FYB2: variants seen among roughly 807,000 people sequenced by gnomAD.
FYB2 encodes the protein FYN binding protein 2.
Under a neutral mutation model 94.1 loss-of-function variants are expected in FYB2, and 103 were observed. The observed-to-expected ratio is 1.09, with a 90% CI of 0.93 to 1.29. FYB2 has a LOEUF of 1.29. FYB2 is among the 50% of genes most tolerant of loss of function. The pLI, the probability that FYB2 is intolerant of heterozygous loss-of-function variation, is 0.00. For synonymous variants in FYB2, 293 were observed against 287.9 expected, an observed-to-expected ratio of 1.02 and a Z score of -0.18; for missense variants, 896 against 841.5, an observed-to-expected ratio of 1.06 and a Z score of -0.80.
intron 9 of FYB2, among the ~76,000 whole-genome samples, chr1:56,747,221 C>T (rs1393830415): frequency 3.3e-5 from 5 of 151,466 alleles, no homozygotes; most frequent in African/African-American, 4.8e-5. Context: ...ATATCTTCTC[C>T]GACCCAGTGA....
upstream of FYB2, among the ~76,000 whole-genome samples, chr1:56,821,250 A>T (rs72911331): frequency 0.3 from 45,790 of 152,140 alleles, 7,406 homozygotes; most frequent in African/African-American, 0.41. Flanking sequence ...CTACACTGGC[A>T]GAGTGGGTGG....
Position 56,756,035 on chromosome 1 carries a change from C to A in FYB2, c.1099-108G>T, listed in dbSNP as rs184348530. On this transcript the variant is annotated intron_variant, in intron 6 of 19. Transcript: ENST00000343433. ...ACACCAAAAGGTGAGGGGGATGAAG[C>A]CTCAGTAGAGAGCAAAGGCAGACAC... 1.6e-4 allele frequency: 171 copies of A among 1,065,282 alleles called. No individual in the cohort carries two copies. The African/African-American group carries it at 2.4e-3, about 15-fold the overall frequency. The allele number at this position is 1,065,282 out of a possible 1,614,324, so 66.0% of individuals were successfully genotyped here.
rs1345201124 is a variant in FYB2 at position 56,757,778 on chromosome 1, T to C, written c.1098+938A>G. Among the ~76,000 whole-genome samples the C allele has an allele frequency of 1.3e-3, 198 of 146,724 alleles. 1 individual carries two copies. The highest frequency in any genetic ancestry group is 4.9e-3 in the African/African-American group (191 of 39,372). On this transcript the variant is annotated intron_variant, in intron 6 of 19. Transcript: ENST00000343433. ...TCTTTTCATTCTTTCTTTTTCTTTT[T>C]TTTTTGATACAGGGTCTCAGTCTGT...
intron 7 of FYB2, 24 bp downstream of exon 7, chr1:56,755,872 T>C: frequency 6.3e-7 from 1 of 1,590,534 alleles, no homozygotes; most frequent in Non-Finnish European, 8.6e-7. Flanking sequence ...GACAGGTGCT[T>C]TTCTTTTGAA....
intron 6 of FYB2, 23 bp downstream of exon 6, chr1:56,758,693 A>T: frequency 6.4e-7 from 1 of 1,564,512 alleles, no homozygotes. Flanking sequence ...TTTAGTTACA[A>T]TGTTGGTAAG....
chr1:56,770,317 C>G (rs1645724762), intron 4 of FYB2, among the ~76,000 whole-genome samples: 1 of 152,104 alleles, frequency 6.6e-6, no homozygotes, highest in Non-Finnish European at 1.5e-5. Context: ...CTACCTCCAC[C>G]CTAACTCGCC....
rs530555985 is a variant in FYB2 at position 56,788,749 on chromosome 1, T to C, written c.919+224A>G. 54 of 573,418 alleles carry C rather than the reference T, an allele frequency of 9.4e-5. No homozygotes were observed. In the Admixed American group the frequency reaches 1.6e-3, roughly 17 times the overall value. 35.5% of individuals were successfully genotyped at this position (573,418 alleles called of 1,614,324 possible). A position where few individuals can be genotyped will look rare whatever the true frequency, so the allele number is the denominator to read the frequency against. ...CTTGGACAGATTCCCAGTGATCAAATGCAGTGCTCTCAGGGGAAGTGGGCT... is the reference window on the plus strand; with the variant it reads ...CTTGGACAGATTCCCAGTGATCAAACGCAGTGCTCTCAGGGGAAGTGGGCT... On this transcript the variant is annotated intron_variant, in intron 3 of 19. Coordinates refer to ENST00000343433, the MANE Select transcript of FYB2 (RefSeq NM_001004303.5).
chr1:56,818,047 G>A (rs910700107), intron 1 of FYB2, among the ~76,000 whole-genome samples: 21 of 152,312 alleles, frequency 1.4e-4, no homozygotes, highest in Admixed American at 8.5e-4. Context: ...GGATGCCAGT[G>A]CGGATCCTGG....
At chr1:56,816,905 C>G (rs1388812562) in intron 1 of FYB2, among the ~76,000 whole-genome samples, 1 of 149,902 alleles carries the variant, frequency 6.7e-6, no homozygotes, top group African/African-American at 2.5e-5. Flanking sequence ...ATCCTGCTGA[C>G]CCTACCTTTA....
intron 5 of FYB2, among the ~76,000 whole-genome samples, chr1:56,766,138 G>A (rs1645617160): frequency 6.6e-6 from 1 of 152,148 alleles, no homozygotes; most frequent in African/African-American, 2.4e-5. Flanking sequence ...ATATCACCAA[G>A]GAACTTGTTA....
At chr1:56,756,327 G>A (rs903795154) in intron 6 of FYB2, among the ~76,000 whole-genome samples, 2 of 152,034 alleles carry the variant, frequency 1.3e-5, no homozygotes, top group Admixed American at 6.6e-5. Flanking sequence ...GAATTTCTCC[G>A]TTACTCGCTG....
chr1:56,777,622 T>G (rs1442930300), intron 4 of FYB2, among the ~76,000 whole-genome samples: 1 of 152,130 alleles, frequency 6.6e-6, no homozygotes, highest in Non-Finnish European at 1.5e-5. Flanking sequence ...TCAGCCAACA[T>G]TTATTGAACA....
chr1:56,732,170 G>A (rs181450880), intron 15 of FYB2, among the ~76,000 whole-genome samples: 29 of 152,146 alleles, frequency 1.9e-4, no homozygotes, highest in Non-Finnish European at 2.8e-4. Flanking sequence ...AATTAGTAGC[G>A]TTTCTATACA....
Position 56,792,673 on chromosome 1 carries a change from T to C in FYB2, c.140A>G (p.Gln47Arg), listed in dbSNP as rs1410407653. The change falls in exon 2 of 20, where the codon CAA becomes CGA. Residue 47 changes from glutamine to arginine, a missense_variant. By Grantham distance (43) the Gln-to-Arg change is conservative (BLOSUM62 1). Transcript: ENST00000343433. Reference protein sequence around the residue: ...KGDIGGTQSTQILANGKPLSS... With the variant: ...KGDIGGTQSTRILANGKPLSS... Reference sequence around the variant, plus strand: ...GAGGGGTTTCCCATTGGCCAAAATTTGAGTTGACTGTGTGCCTCCAATGTC... The same window carrying C: ...GAGGGGTTTCCCATTGGCCAAAATTCGAGTTGACTGTGTGCCTCCAATGTC... 1 of 1,613,994 alleles carries C rather than the reference T, an allele frequency of 6.2e-7. No homozygotes were observed. The highest frequency in any genetic ancestry group is 2.2e-5 in the East Asian group (1 of 44,880).
At chr1:56,803,833 C>T (rs938015912) in intron 1 of FYB2, among the ~76,000 whole-genome samples, 15 of 152,154 alleles carry the variant, frequency 9.9e-5, no homozygotes, top group African/African-American at 3.4e-4. Context: ...TGTCATAGCA[C>T]GAAATCTACT....
intron 1 of FYB2, among the ~76,000 whole-genome samples, chr1:56,807,446 A>G (rs1033066352): frequency 2.0e-5 from 3 of 152,202 alleles, no homozygotes; most frequent in Admixed American, 6.5e-5. Context: ...TTTGCTTTTT[A>G]AAGAAGATAA....
intron 1 of FYB2, 47 bp from the exon 2 acceptor site, chr1:56,792,850 AAAC>A (rs781206056): frequency 6.6e-6 from 10 of 1,520,480 alleles, no homozygotes; most frequent in Admixed American, 5.9e-5. Context: ...AAAAACAAAC[AAAC>A]AACAACAACA....
intron 9 of FYB2, among the ~76,000 whole-genome samples, chr1:56,748,359 C>T (rs1163922521): frequency 1.3e-5 from 2 of 152,050 alleles, no homozygotes; most frequent in Admixed American, 1.3e-4. Context: ...AGGTTTTCTT[C>T]TTGGGTTTTT....
At chr1:56,805,959 G>A (rs1336705576) in intron 1 of FYB2, among the ~76,000 whole-genome samples, 5 of 152,184 alleles carry the variant, frequency 3.3e-5, no homozygotes, top group Non-Finnish European at 7.3e-5. Context: ...TCAGCAGCAT[G>A]AAAATGGACT....
Sources: allele counts gnomAD v4.1 joint callset (sites outside exome capture counted in the v4.1 genomes callset), GRCh38; gene constraint gnomAD v4.1.1; transcripts MANE v1.5; gene names NCBI Gene and HGNC (gene_info 2026-07-23, HGNC 2026-07-21).